Variants in PACRG observed in about 807,000 individuals in gnomAD.
PACRG encodes parkin coregulated gene protein.
Under a neutral mutation model 29.7 loss-of-function variants are expected in PACRG, and 29 were observed. The observed-to-expected ratio is 0.98, with a 90% confidence interval of 0.73 to 1.33. The LOEUF is 1.33. PACRG is among the 40% of genes most tolerant of loss of function. The pLI is 0.00. For synonymous variants in PACRG, 116 were observed against 118.7 expected (o/e 0.98, Z 0.15); for missense variants, 279 against 316.2 (o/e 0.88, Z 0.89).
chr6:162,896,656 T>C (rs950886843), intron 2 of PACRG, among the ~76,000 whole-genome samples: 50 of 152,248 alleles, frequency 3.3e-4, no homozygotes, highest in African/African-American at 1.2e-3. Context: ...ATTTATTTTT[T>C]CATGTGAATT....
chr6:163,225,219 C>G (rs1176835606), intron 4 of PACRG, among the ~76,000 whole-genome samples: 1 of 152,146 alleles, frequency 6.6e-6, no homozygotes, highest in Non-Finnish European at 1.5e-5. Flanking sequence ...TTGGCTGTGT[C>G]CCCACCCAAA....
intron 4 of PACRG, among the ~76,000 whole-genome samples, chr6:163,104,646 T>C (rs6926550): frequency 0.041 from 6,305 of 152,278 alleles, 467 homozygotes; most frequent in African/African-American, 0.14. Context: ...TAGTAAGATA[T>C]AGAGCAAGCT....
intron 1 of PACRG, among the ~76,000 whole-genome samples, chr6:162,754,989 G>T (rs775667740): frequency 6.6e-6 from 1 of 152,096 alleles, no homozygotes; most frequent in Non-Finnish European, 1.5e-5. Context: ...GGTCTGTTCA[G>T]ATATTCTATT....
At chr6:162,951,409 G>C (rs1377522653) in intron 2 of PACRG, among the ~76,000 whole-genome samples, 1 of 152,244 alleles carries the variant, frequency 6.6e-6, no homozygotes, top group African/African-American at 2.4e-5. Context: ...GGCTCTGATT[G>C]ATTGGCCTCC....
At chr6:162,836,933 A>T (rs1475775863) in intron 2 of PACRG, among the ~76,000 whole-genome samples, 1 of 152,192 alleles carries the variant, frequency 6.6e-6, no homozygotes, top group Non-Finnish European at 1.5e-5. Flanking sequence ...TAGGTCTGCT[A>T]TATCCAGTCC....
chr6:162,811,069 G>A (rs2128356557), intron 1 of PACRG, among the ~76,000 whole-genome samples: 1 of 152,220 alleles, frequency 6.6e-6, no homozygotes, highest in East Asian at 1.9e-4. Flanking sequence ...TATAAATAAG[G>A]GAAAGCAATG....
At chr6:163,015,470 G>A (rs1374668627) in intron 2 of PACRG, among the ~76,000 whole-genome samples, 2 of 152,116 alleles carry the variant, frequency 1.3e-5, no homozygotes, top group Non-Finnish European at 2.9e-5. Context: ...TACCAATTCT[G>A]CTTCTAATCC....
chr6:163,202,213 G>T (rs1480945482), intron 4 of PACRG, among the ~76,000 whole-genome samples: 1 of 152,252 alleles, frequency 6.6e-6, no homozygotes. Flanking sequence ...CTGGTCAGGG[G>T]TGGGAGTTGA....
chr6:163,244,033 A>G (rs1270754802), intron 4 of PACRG, among the ~76,000 whole-genome samples: 1 of 152,226 alleles, frequency 6.6e-6, no homozygotes, highest in Admixed American at 6.5e-5. Flanking sequence ...TTTGACACAG[A>G]GATTTTGTCT....
intron 2 of PACRG, among the ~76,000 whole-genome samples, chr6:162,939,625 T>A (rs1301571431): frequency 6.6e-6 from 1 of 152,048 alleles, no homozygotes; most frequent in Non-Finnish European, 1.5e-5. Context: ...TTTCTCCTAT[T>A]CTTTGTTCTC....
At chr6:162,811,400 A>G (rs1039203485) in intron 1 of PACRG, among the ~76,000 whole-genome samples, 3 of 152,178 alleles carry the variant, frequency 2.0e-5, no homozygotes, top group African/African-American at 7.2e-5. Flanking sequence ...AAACGGGCCA[A>G]TTCCTCAGAA....
chr6:162,908,035 C>T (rs1285922383), intron 2 of PACRG, among the ~76,000 whole-genome samples: 1 of 152,206 alleles, frequency 6.6e-6, no homozygotes, highest in East Asian at 1.9e-4. Context: ...GAGAGTTATA[C>T]ATACGCCTCT....
chr6:163,019,162 A>G (rs1806370784), intron 2 of PACRG, among the ~76,000 whole-genome samples: 1 of 152,198 alleles, frequency 6.6e-6, no homozygotes, highest in South Asian at 2.1e-4. Flanking sequence ...CTGTAGAGAC[A>G]TTATGATATT....
intron 2 of PACRG, among the ~76,000 whole-genome samples, chr6:162,934,328 G>A (rs997069688): frequency 6.6e-5 from 10 of 152,064 alleles, no homozygotes; most frequent in Non-Finnish European, 1.2e-4. Context: ...GAGGGCGGGC[G>A]TTAAACTCTT....
chr6:162,904,190 A>C (rs1178288742), intron 2 of PACRG, among the ~76,000 whole-genome samples: 1 of 152,244 alleles, frequency 6.6e-6, no homozygotes, highest in African/African-American at 2.4e-5. Flanking sequence ...TTTCCTTTAC[A>C]TAAAGTCAAC....
chr6:162,999,704 G>T (rs892142382), intron 2 of PACRG, among the ~76,000 whole-genome samples: 4 of 152,170 alleles, frequency 2.6e-5, no homozygotes, highest in African/African-American at 9.7e-5. Flanking sequence ...CATGAAGTCT[G>T]TTCTTCCCAG....
At chr6:162,962,533 G>A (rs1430331646) in intron 2 of PACRG, among the ~76,000 whole-genome samples, 6 of 151,304 alleles carry the variant, frequency 4.0e-5, no homozygotes, top group African/African-American at 1.5e-4. Flanking sequence ...GGTCATGAAA[G>A]TGGGGCCCCC....
rs907183423 is a variant in PACRG at position 163,311,981 on chromosome 6, T to A, written c.614-2846T>A. 1.3e-5 allele frequency among the ~76,000 whole-genome samples: 2 copies of A among 152,298 alleles called. 1 individual carries two copies. The highest frequency in any genetic ancestry group is 4.1e-4 in the South Asian group (2 of 4,828). On this transcript the variant is annotated intron_variant, in intron 4 of 4. Transcript: ENST00000366888. ...TCCTGGTCTATTCAGCTCTTGACCT[T>A]CTGACTCATATGCCGACAAAAGGCA... is the stretch of plus-strand genomic sequence containing the variant.
chr6:163,073,053 A>G (rs1175978037), intron 3 of PACRG, among the ~76,000 whole-genome samples: 1 of 152,234 alleles, frequency 6.6e-6, no homozygotes, highest in Non-Finnish European at 1.5e-5. Context: ...ATTCAATGCA[A>G]TCTCTATAAA....
Sources: gnomAD v4.1 joint callset for allele counts (sites outside exome capture counted in the v4.1 genomes callset) on GRCh38, gnomAD v4.1.1 for gene constraint, MANE v1.5 for transcripts, NCBI Gene and HGNC (gene_info 2026-07-23, HGNC 2026-07-21) for gene names.